Variants in LRFN5 observed in about 807,000 individuals in gnomAD.
The protein encoded by LRFN5 is leucine-rich repeat and fibronectin type-III domain-containing protein 5.
A neutral mutation model predicts 45.6 loss-of-function variants in LRFN5; 24 were observed. That is an observed-to-expected ratio of 0.53 (90% CI 0.38 to 0.74). The LOEUF is 0.74. Among genes scored for constraint, LRFN5 ranks in the 30% least tolerant of loss-of-function variants. LRFN5 has a pLI of 0.00. For synonymous variants in LRFN5, 340 were observed against 313.8 expected (o/e 1.08, Z -0.88); for missense variants, 776 against 861.5 (o/e 0.90, Z 1.24).
chr14:41,653,551 A>T (rs904311605), intron 1 of LRFN5, among the ~76,000 whole-genome samples: 1 of 152,164 alleles, frequency 6.6e-6, no homozygotes, highest in African/African-American at 2.4e-5. Context: ...GACTGAAATG[A>T]AGCAAACAAA....
chr14:41,839,158 T>A (rs1040559098), intron 2 of LRFN5, among the ~76,000 whole-genome samples: 1 of 152,132 alleles, frequency 6.6e-6, no homozygotes, highest in Non-Finnish European at 1.5e-5. Flanking sequence ...TTTTTATAAT[T>A]TCTACGATTT....
intron 1 of LRFN5, chr14:41,699,316 G>T (rs1342083630): frequency 6.6e-6 from 1 of 152,062 alleles, no homozygotes; most frequent in Admixed American, 6.6e-5. Flanking sequence ...CCTAGTTATC[G>T]CTAAAAGTAG....
At chr14:41,642,450 T>C (rs1273927645) in intron 1 of LRFN5, among the ~76,000 whole-genome samples, 1 of 152,220 alleles carries the variant, frequency 6.6e-6, no homozygotes. Flanking sequence ...AGGCAGCATA[T>C]GTGAATAGTT....
chr14:41,617,437 C>G (rs536480308), intron 1 of LRFN5, among the ~76,000 whole-genome samples: 1 of 152,214 alleles, frequency 6.6e-6, no homozygotes, highest in Non-Finnish European at 1.5e-5. Flanking sequence ...TTGGCTACAC[C>G]TAGGGGATTG....
At chr14:41,721,821 G>A (rs1883726663) in intron 1 of LRFN5, among the ~76,000 whole-genome samples, 1 of 151,936 alleles carries the variant, frequency 6.6e-6, no homozygotes, top group South Asian at 2.1e-4. Context: ...GGTTAGCCAT[G>A]GACAGTCTGG....
intron 2 of LRFN5, among the ~76,000 whole-genome samples, chr14:41,850,555 A>G (rs1889230235): frequency 6.6e-6 from 1 of 151,948 alleles, no homozygotes; most frequent in Non-Finnish European, 1.5e-5. Flanking sequence ...CAATGCATTT[A>G]CTCTCATTAA....
At chr14:41,692,111 A>G (rs958444804) in intron 1 of LRFN5, among the ~76,000 whole-genome samples, 2 of 152,094 alleles carry the variant, frequency 1.3e-5, no homozygotes, top group Non-Finnish European at 2.9e-5. Flanking sequence ...AGAAATGTTG[A>G]ATATAGGGTA....
At chr14:41,673,429 C>T (rs1220500192) in intron 1 of LRFN5, among the ~76,000 whole-genome samples, 5 of 143,292 alleles carry the variant, frequency 3.5e-5, no homozygotes, top group Non-Finnish European at 6.1e-5. Context: ...GACCGGGCGG[C>T]TGGCCGGGCG....
intron 1 of LRFN5, among the ~76,000 whole-genome samples, chr14:41,757,200 G>A (rs1885436252): frequency 6.6e-6 from 1 of 152,168 alleles, no homozygotes; most frequent in African/African-American, 2.4e-5. Context: ...GCTACTCGGG[G>A]GTCAGGGACC....
rs537766520 is a variant in LRFN5 at position 41,656,666 on chromosome 14, A to C, written c.-197+48104A>C. Among the ~76,000 whole-genome samples the C allele has an allele frequency of 7.9e-5, 12 of 152,008 alleles. No individual in the cohort carries two copies. In the South Asian group the frequency reaches 2.3e-3, roughly 29 times the overall value. On this transcript the variant is annotated intron_variant, in intron 1 of 5. Transcript: ENST00000298119. Reference sequence around the variant, plus strand: ...AGATACTCCCAGAGTACAGTGATCAAACCCATTGTTATGATTCAAATGCTC... The same window carrying C: ...AGATACTCCCAGAGTACAGTGATCACACCCATTGTTATGATTCAAATGCTC...
At chr14:41,796,056 T>G (rs1887117003) in intron 2 of LRFN5, among the ~76,000 whole-genome samples, 1 of 152,014 alleles carries the variant, frequency 6.6e-6, no homozygotes, top group Non-Finnish European at 1.5e-5. Flanking sequence ...ATTAATTTAG[T>G]AGTTACTTTC....
At chr14:41,687,365 A>G (rs1156910550) in intron 1 of LRFN5, among the ~76,000 whole-genome samples, 1 of 152,210 alleles carries the variant, frequency 6.6e-6, no homozygotes, top group African/African-American at 2.4e-5. Context: ...GTGGAGAAAT[A>G]AGAACACTTT....
intron 1 of LRFN5, among the ~76,000 whole-genome samples, chr14:41,661,340 G>A (rs1339615523): frequency 6.6e-6 from 1 of 151,776 alleles, no homozygotes; most frequent in African/African-American, 2.4e-5. Flanking sequence ...AAACACCCAG[G>A]ATGCTTTTCA....
At chr14:41,746,161 T>C (rs540862956) in intron 1 of LRFN5, among the ~76,000 whole-genome samples, 1 of 152,130 alleles carries the variant, frequency 6.6e-6, no homozygotes, top group South Asian at 2.1e-4. Flanking sequence ...ACCGACTGAC[T>C]GTGTGTGACT....
At chr14:41,835,717 AC>A (rs1321869874) in intron 2 of LRFN5, among the ~76,000 whole-genome samples, 1 of 151,998 alleles carries the variant, frequency 6.6e-6, no homozygotes, top group African/African-American at 2.4e-5. Flanking sequence ...ACAGAGTGGG[AC>A]CACGTCTCAA....
intron 1 of LRFN5, among the ~76,000 whole-genome samples, chr14:41,737,957 C>G (rs143693165): frequency 2.0e-5 from 3 of 152,258 alleles, no homozygotes; most frequent in East Asian, 1.9e-4. Context: ...CTATTCCCAT[C>G]AAGCTACCAT....
At chr14:41,657,541 A>G (rs1009745265) in intron 1 of LRFN5, among the ~76,000 whole-genome samples, 2 of 151,948 alleles carry the variant, frequency 1.3e-5, no homozygotes, top group Admixed American at 6.6e-5. Context: ...CTCATAAGGT[A>G]ATTTGGAAAA....
intron 2 of LRFN5, among the ~76,000 whole-genome samples, chr14:41,831,103 G>A (rs1308721588): frequency 6.6e-6 from 1 of 151,990 alleles, no homozygotes; most frequent in Non-Finnish European, 1.5e-5. Context: ...TGTTTATTTT[G>A]AATAAAGTGA....
Position 41,870,757 on chromosome 14 carries a change from T to C in LRFN5, c.-20-15849T>C, listed in dbSNP as rs191242158. On this transcript the variant is annotated intron_variant, in intron 2 of 5. Coordinates refer to ENST00000298119, the MANE Select transcript of LRFN5 (RefSeq NM_152447.5). Reference sequence around the variant, plus strand: ...TACAAACTGCCTTTTTTTACTGACATTTAATATTGATTAGAAGTTTTAGCT... The same window carrying C: ...TACAAACTGCCTTTTTTTACTGACACTTAATATTGATTAGAAGTTTTAGCT... Among the ~76,000 whole-genome samples, 12 of 152,294 alleles carry C rather than the reference T, an allele frequency of 7.9e-5. No homozygotes were observed. The East Asian group carries it at 2.3e-3, about 29-fold the overall frequency.
Sources: gnomAD v4.1 joint callset for allele counts (sites outside exome capture counted in the v4.1 genomes callset) on GRCh38, gnomAD v4.1.1 for gene constraint, MANE v1.5 for transcripts, NCBI Gene and HGNC (gene_info 2026-07-23, HGNC 2026-07-21) for gene names.